The following ZFHX3 variants were observed in gnomAD, a reference collection of about 807,000 sequenced individuals.
ZFHX3 encodes zinc finger homeobox 3, also known as zinc finger homeobox protein 3.
ZFHX3 carries 42 observed loss-of-function variants against 279.1 expected under a neutral mutation model. The observed-to-expected ratio is 0.15, with a 90% confidence interval of 0.12 to 0.19. ZFHX3 has a LOEUF of 0.19. Ranked by LOEUF, ZFHX3 falls within the 10% of genes least tolerant of loss-of-function variation. ZFHX3 has a pLI of 1.00. For missense variants in ZFHX3, 4,981 were observed against 4,754.0 expected, an observed-to-expected ratio of 1.05 and a Z score of -1.40; for synonymous variants, 2,293 against 1,957.8, an observed-to-expected ratio of 1.17 and a Z score of -4.52.
At chr16:73,158,512 G>A (rs754864743) in intron 5 of ZFHX3, among the ~76,000 whole-genome samples, 1 of 146,436 alleles carries the variant, frequency 6.8e-6, no homozygotes, top group Non-Finnish European at 1.5e-5. Flanking sequence ...ATATACACTT[G>A]TAAACGTTTT....
chr16:73,471,651 G>C (rs937981129), intron 2 of ZFHX3, among the ~76,000 whole-genome samples: 3 of 152,164 alleles, frequency 2.0e-5, no homozygotes, highest in Admixed American at 1.3e-4. Context: ...TGGGTGAGAG[G>C]AGTAAAAGGA....
At chr16:73,100,915 AG>A (rs1345106725) in intron 7 of ZFHX3, among the ~76,000 whole-genome samples, 1 of 152,154 alleles carries the variant, frequency 6.6e-6, no homozygotes, top group African/African-American at 2.4e-5. Context: ...GGATTCTCTA[AG>A]AAAGGATTCT....
chr16:72,832,148 C>A (rs7195234), intron 4 of ZFHX3, among the ~76,000 whole-genome samples: 11,530 of 152,150 alleles, frequency 0.076, 1,511 homozygotes, highest in African/African-American at 0.26. Context: ...GATTTACCCA[C>A]TGGGGGGCCA....
chr16:73,360,225 A>G (rs1458166623), intron 3 of ZFHX3, among the ~76,000 whole-genome samples: 1 of 152,268 alleles, frequency 6.6e-6, no homozygotes, highest in African/African-American at 2.4e-5. Flanking sequence ...TAATAATTGC[A>G]ACAACACAAC....
In ZFHX3 at chr16:73,702,316, C is replaced by G. The variant is rs190228689; in HGVS notation, c.-1607-22076G>C. Among the ~76,000 whole-genome samples, 34 of 152,032 alleles carry G rather than the reference C, an allele frequency of 2.2e-4. 1 individual carries two copies. In the East Asian group the frequency reaches 6.2e-3, roughly 28 times the overall value. ...AAGAGAAGGGGCTGCCTGGGGGCTGCAGGTGTGGGGACATTTGATTGGCAG... is the reference window on the plus strand; with the variant it reads ...AAGAGAAGGGGCTGCCTGGGGGCTGGAGGTGTGGGGACATTTGATTGGCAG... On this transcript the variant is annotated intron_variant, in intron 1 of 17. Coordinates refer to the ZFHX3 transcript ENST00000641206.
chr16:73,816,755 G>A (rs560219674), intron 1 of ZFHX3, among the ~76,000 whole-genome samples: 41 of 152,156 alleles, frequency 2.7e-4, no homozygotes, highest in Non-Finnish European at 4.6e-4. Flanking sequence ...GGTCACTAGA[G>A]GACCAGACTG....
At chr16:73,432,056 G>A (rs1323536634) in intron 3 of ZFHX3, among the ~76,000 whole-genome samples, 3 of 152,184 alleles carry the variant, frequency 2.0e-5, no homozygotes, top group Admixed American at 6.5e-5. Context: ...GAGCACAGGG[G>A]AAATTTTCAT....
At chr16:73,129,239 T>G (rs1338471553) in intron 7 of ZFHX3, among the ~76,000 whole-genome samples, 12 of 151,906 alleles carry the variant, frequency 7.9e-5, no homozygotes, top group African/African-American at 2.9e-4. Flanking sequence ...AATACAAAAA[T>G]TAGCCAGGCG....
intron 7 of ZFHX3, among the ~76,000 whole-genome samples, chr16:72,801,243 C>G (rs899302949): frequency 6.6e-6 from 1 of 152,172 alleles, no homozygotes; most frequent in Admixed American, 6.5e-5. Context: ...AACCTTTCTA[C>G]GTGGCACCCA....
intron 2 of ZFHX3, among the ~76,000 whole-genome samples, chr16:73,584,772 C>G (rs994039026): frequency 6.6e-6 from 1 of 152,108 alleles, no homozygotes; most frequent in Admixed American, 6.5e-5. Flanking sequence ...TTCTGTACAG[C>G]AAACAAACAA....
In ZFHX3 at chr16:72,787,213, G is replaced by C. The variant is rs1269797658; in HGVS notation, c.11063C>G (p.Pro3688Arg). The C allele has an allele frequency of 1.2e-6, 2 of 1,613,816 alleles. No individual in the cohort carries two copies. The highest frequency in any genetic ancestry group is 1.7e-6 in the Non-Finnish European group (2 of 1,179,910). ...TACACTGGTCAGACCACTGTCCTTG[G>C]GGCAGCTGGGGTCTTTGGGACCCTC... ...PVEGPKDPSC[P>R]KDSGLTSVGT... Residue 3688 changes from proline (P) to arginine (R), a missense_variant, in exon 10 of 10, where the codon CCC (proline) becomes CGC (arginine). Pro to Arg is a moderately radical substitution (Grantham distance 103). This residue lies in a region of ZFHX3 where 1,034 missense variants were observed against 786.0 expected (regional missense o/e 1.32). Transcript: ENST00000268489.
chr16:73,179,891 TACAG>T (rs1967753822), intron 5 of ZFHX3, among the ~76,000 whole-genome samples: 1 of 152,080 alleles, frequency 6.6e-6, no homozygotes, highest in Admixed American at 6.6e-5. Context: ...AGCCTTGTCA[TACAG>T]AGAGTGTCAG....
At chr16:72,914,869 T>C (rs2039403752) in intron 3 of ZFHX3, among the ~76,000 whole-genome samples, 1 of 152,120 alleles carries the variant, frequency 6.6e-6, no homozygotes. Flanking sequence ...TGTGCGCCTA[T>C]AGTCCCAGCT....
In ZFHX3 at chr16:73,544,205, G is replaced by A. The variant is rs375941929; in HGVS notation, c.-1546-87947C>T. Among the ~76,000 whole-genome samples, 53 of 152,328 alleles carry A rather than the reference G, an allele frequency of 3.5e-4. 1 individual carries two copies. The South Asian group carries it at 0.011, about 30-fold the overall frequency. ...TGGGTTAGGGAGAGGAAAAAAAAAG[G>A]TGGGGTGGAGGGGAGAGTTTGTTTT... On this transcript the variant is annotated intron_variant, in intron 2 of 17. Coordinates refer to the ZFHX3 transcript ENST00000641206.
chr16:72,968,841 T>A (rs182812864), intron 1 of ZFHX3, among the ~76,000 whole-genome samples: 26 of 152,232 alleles, frequency 1.7e-4, no homozygotes, highest in African/African-American at 6.3e-4. Flanking sequence ...CTGGTATATT[T>A]AGAGGTGAAG....
At chr16:73,782,471 G>C (rs1158078750) in intron 1 of ZFHX3, among the ~76,000 whole-genome samples, 1 of 152,176 alleles carries the variant, frequency 6.6e-6, no homozygotes, top group African/African-American at 2.4e-5. Flanking sequence ...TTTAGAGGAG[G>C]ACTTGAAGGA....
intron 3 of ZFHX3, among the ~76,000 whole-genome samples, chr16:73,432,433 G>C (rs1029120031): frequency 2.0e-5 from 3 of 152,146 alleles, no homozygotes; most frequent in Non-Finnish European, 4.4e-5. Flanking sequence ...GGGGTGAGGA[G>C]TCCAGAGCCC....
chr16:72,982,556 A>C (rs1330777729), intron 1 of ZFHX3, among the ~76,000 whole-genome samples: 1 of 152,246 alleles, frequency 6.6e-6, no homozygotes, highest in Admixed American at 6.5e-5. Flanking sequence ...GACCCAAAGG[A>C]GGTATTTTCA....
At chr16:73,313,611 A>G (rs2143172911) in intron 4 of ZFHX3, among the ~76,000 whole-genome samples, 1 of 152,308 alleles carries the variant, frequency 6.6e-6, no homozygotes, top group South Asian at 2.1e-4. Context: ...AAAACCTGGC[A>G]CTTCAGACTC....
Sources: allele counts gnomAD v4.1 joint callset (sites outside exome capture counted in the v4.1 genomes callset), GRCh38; gene constraint gnomAD v4.1.1; regional missense constraint gnomAD v4.1.1; transcripts MANE v1.5; gene names NCBI Gene and HGNC (gene_info 2026-07-23, HGNC 2026-07-21).